The following SUFU variants were observed in gnomAD, a reference collection of about 807,000 sequenced individuals.
SUFU encodes SUFU negative regulator of hedgehog signaling, also known as suppressor of fused homolog.
Under a neutral mutation model 58.9 loss-of-function variants are expected in SUFU, and 7 were observed. That is an observed-to-expected ratio of 0.12 (90% CI 0.07 to 0.22). The LOEUF (loss-of-function observed/expected upper bound fraction) is 0.22. Among genes scored for constraint, SUFU ranks in the 10% least tolerant of loss-of-function variants. The pLI, the probability that SUFU is intolerant of heterozygous loss-of-function variation, is 1.00. For synonymous variants in SUFU, 232 were observed against 254.8 expected, an observed-to-expected ratio of 0.91 and a Z score of 0.85; for missense variants, 451 against 641.3, an observed-to-expected ratio of 0.70 and a Z score of 3.20.
intron 2 of SUFU, among the ~76,000 whole-genome samples, chr10:102,540,613 T>C (rs1003108166): frequency 6.6e-6 from 1 of 151,918 alleles, no homozygotes; most frequent in African/African-American, 2.4e-5. Flanking sequence ...ATCACACCAC[T>C]GCACTCCAGC....
intron 3 of SUFU, among the ~76,000 whole-genome samples, chr10:102,580,589 G>T (rs981544175): frequency 6.6e-6 from 1 of 152,118 alleles, no homozygotes; most frequent in African/African-American, 2.4e-5. Flanking sequence ...CTGTTACCAG[G>T]AAAAGTCAGT....
At chr10:102,585,071 C>G (rs148358490) in intron 3 of SUFU, among the ~76,000 whole-genome samples, 1 of 152,190 alleles carries the variant, frequency 6.6e-6, no homozygotes, top group Non-Finnish European at 1.5e-5. Flanking sequence ...AAAGGCTTGG[C>G]CTTGCTTCCC....
chr10:102,597,530 TTG>T (rs895813565), intron 7 of SUFU, among the ~76,000 whole-genome samples: 8 of 152,338 alleles, frequency 5.3e-5, no homozygotes, highest in African/African-American at 1.9e-4. Flanking sequence ...GCAGGCACCG[TTG>T]TGTTTTAGAT....
At chr10:102,576,435 G>A (rs1473459817) in intron 3 of SUFU, among the ~76,000 whole-genome samples, 1 of 151,370 alleles carries the variant, frequency 6.6e-6, no homozygotes, top group Non-Finnish European at 1.5e-5. Context: ...TTTTTTTACT[G>A]TTGTCTGTGA....
chr10:102,549,231 T>G (rs1292679821), intron 2 of SUFU, among the ~76,000 whole-genome samples: 1 of 152,142 alleles, frequency 6.6e-6, no homozygotes, highest in Non-Finnish European at 1.5e-5. Context: ...TGAGATTGGG[T>G]AATTTATAAA....
In SUFU at chr10:102,628,975, G is replaced by A. The variant is rs1476215453; in HGVS notation, c.1366-1091G>A. 6.6e-6 allele frequency among the ~76,000 whole-genome samples: 1 copy of A among 152,146 alleles called. No individual in the cohort carries two copies. The highest frequency in any genetic ancestry group is 1.5e-5 in the Non-Finnish European group (1 of 68,030). ...ATTTGAGACCAGCCTGACCAACATG[G>A]AGAAAACCCATCTCTACTAATAATA... On this transcript the variant is annotated intron_variant, in intron 11 of 11. Coordinates refer to ENST00000369902, the MANE Select transcript of SUFU (RefSeq NM_016169.4). This position sits in a 1 kb window ranked among gnomAD's most constrained non-coding sequence, Gnocchi z 4.5.
At chr10:102,526,202 A>G (rs554175269) in intron 2 of SUFU, among the ~76,000 whole-genome samples, 1 of 152,262 alleles carries the variant, frequency 6.6e-6, no homozygotes, top group South Asian at 2.1e-4. Flanking sequence ...GCCTGTGAAT[A>G]GCCACTGCAC....
At chr10:102,608,018 A>T (rs2063579987) in intron 8 of SUFU, among the ~76,000 whole-genome samples, 2 of 152,098 alleles carry the variant, frequency 1.3e-5, no homozygotes, top group Non-Finnish European at 2.9e-5. Context: ...TGAGGTCAGG[A>T]GTTCAAGACC....
rs71474569 is a variant in SUFU, at chr10:102,590,153, C to CTTTTTT, written c.455-2428_455-2423dup. Among the ~76,000 whole-genome samples, 20 of 73,836 alleles carry CTTTTTT rather than the reference C, an allele frequency of 2.7e-4. 2 individuals are homozygous for CTTTTTT. The highest frequency in any genetic ancestry group is 8.6e-4 in the East Asian group (2 of 2,336). The allele number at this position is 73,836 out of a possible 152,430, so 48.4% of individuals were successfully genotyped here. The stretch of plus-strand genomic sequence containing the variant: ...CCCCCGACTTTTTCTTTTTTTTTTT[C>CTTTTTT]TTTTTTCTTTTTTTTTTTTTTTTGA... On this transcript the variant is annotated intron_variant, in intron 3 of 11. Transcript: ENST00000369902.
chr10:102,610,682 A>G (rs2135917597), intron 8 of SUFU, among the ~76,000 whole-genome samples: 1 of 152,292 alleles, frequency 6.6e-6, no homozygotes, highest in East Asian at 1.9e-4. Context: ...AAAGCCTGGG[A>G]TGAGAACATC....
intron 2 of SUFU, among the ~76,000 whole-genome samples, chr10:102,546,130 G>C (rs1285367284): frequency 2.0e-5 from 3 of 152,282 alleles, no homozygotes; most frequent in South Asian, 2.1e-4. Context: ...AGGATTCAAG[G>C]CATGTGTTCT....
chr10:102,514,672 G>A (rs763298095), intron 2 of SUFU, among the ~76,000 whole-genome samples: 6 of 152,192 alleles, frequency 3.9e-5, no homozygotes, highest in South Asian at 4.1e-4. Context: ...AAGTGCTGTC[G>A]GAGCTTGCAG....
chr10:102,515,980 G>GT (rs2062463716), intron 2 of SUFU, among the ~76,000 whole-genome samples: 1 of 152,286 alleles, frequency 6.6e-6, no homozygotes, highest in Admixed American at 6.5e-5. Flanking sequence ...ACGGCCCAGT[G>GT]TGGGGCAGGG....
At chr10:102,565,711 A>AT (rs1255734889) in intron 3 of SUFU, among the ~76,000 whole-genome samples, 6 of 151,860 alleles carry the variant, frequency 4.0e-5, no homozygotes, top group East Asian at 1.9e-4. Flanking sequence ...CGCACGGCTA[A>AT]TTTTTTTTGT....
At chr10:102,615,731 G>A (rs1478661759) in intron 9 of SUFU, among the ~76,000 whole-genome samples, 4 of 152,180 alleles carry the variant, frequency 2.6e-5, no homozygotes, top group Non-Finnish European at 5.9e-5. Flanking sequence ...CCTCTGGCTG[G>A]CCTAGGTGGT....
At chr10:102,615,433 C>T (rs2135930673) in intron 9 of SUFU, 31 bp downstream of exon 9, 1 of 1,613,786 alleles carries the variant, frequency 6.2e-7, no homozygotes, top group East Asian at 2.2e-5. Context: ...ACACAGTTTA[C>T]CCCACAGCAC....
intron 2 of SUFU, among the ~76,000 whole-genome samples, chr10:102,539,602 C>G (rs2062777173): frequency 6.6e-6 from 1 of 152,122 alleles, no homozygotes; most frequent in South Asian, 2.1e-4. Flanking sequence ...TGATTCTTGC[C>G]TGAATTATTA....
chr10:102,569,823 G>A (rs2063142295), intron 3 of SUFU, among the ~76,000 whole-genome samples: 1 of 152,130 alleles, frequency 6.6e-6, no homozygotes, highest in African/African-American at 2.4e-5. Context: ...AGAGAATGGT[G>A]GCATTCAAAC....
At position 102,625,943 on chromosome 10, in the gene SUFU, A is replaced by AT. The variant is rs1025459704; in HGVS notation, c.1297-1226dup. Reference sequence around the variant, plus strand: ...AATTCCCAGGGGAAACCTGGTGGGTATTTTTTCAAGTTCTCAATTCTCCTC... The same window carrying AT: ...AATTCCCAGGGGAAACCTGGTGGGTATTTTTTTCAAGTTCTCAATTCTCCTC... On this transcript the variant is annotated intron_variant, in intron 10 of 11. Transcript: ENST00000369902. This position sits in a 1 kb window ranked among gnomAD's most constrained non-coding sequence, Gnocchi z 4.7. 1.3e-5 allele frequency among the ~76,000 whole-genome samples: 2 copies of AT among 151,998 alleles called. No homozygotes were observed. The highest frequency in any genetic ancestry group is 4.8e-5 in the African/African-American group (2 of 41,342).
Sources: allele counts gnomAD v4.1 joint callset (sites outside exome capture counted in the v4.1 genomes callset), GRCh38; gene constraint gnomAD v4.1.1; non-coding constraint Gnocchi (gnomAD v3.1); transcripts MANE v1.5; gene names NCBI Gene and HGNC (gene_info 2026-07-23, HGNC 2026-07-21).